The following EPHA3 variants were observed in gnomAD, a reference collection of about 807,000 sequenced individuals.
EPHA3 encodes the protein EPH receptor A3, also known as ephrin type-A receptor 3.
Under a neutral mutation model 107.1 loss-of-function variants are expected in EPHA3, and 42 were observed. That is an observed-to-expected ratio of 0.39 (90% CI 0.31 to 0.51). EPHA3 has a LOEUF of 0.51. Among genes scored for constraint, EPHA3 ranks in the 20% least tolerant of loss-of-function variants. EPHA3 has a pLI of 0.78. For synonymous variants in EPHA3, 461 were observed against 424.8 expected, an observed-to-expected ratio of 1.09 and a Z score of -1.05; for missense variants, 1,183 against 1,211.2, an observed-to-expected ratio of 0.98 and a Z score of 0.35.
chr3:89,144,715 C>A (rs1032647977), intron 2 of EPHA3, among the ~76,000 whole-genome samples: 3 of 151,672 alleles, frequency 2.0e-5, no homozygotes, highest in Non-Finnish European at 4.4e-5. Context: ...GCTTGCTCCT[C>A]GTTTCCAAAC....
chr3:89,244,781 C>T (rs1704992368), intron 3 of EPHA3, among the ~76,000 whole-genome samples: 1 of 152,200 alleles, frequency 6.6e-6, no homozygotes, highest in Non-Finnish European at 1.5e-5. Context: ...ATATGCCACA[C>T]AGTTGAATGA....
intron 3 of EPHA3, among the ~76,000 whole-genome samples, chr3:89,300,544 C>T (rs891075897): frequency 3.9e-5 from 6 of 152,016 alleles, no homozygotes; most frequent in Middle Eastern, 3.4e-3. Context: ...TGCTATGTTA[C>T]AGACACCATG....
At chr3:89,377,566 T>A (rs1708425360) in intron 5 of EPHA3, among the ~76,000 whole-genome samples, 1 of 152,096 alleles carries the variant, frequency 6.6e-6, no homozygotes, top group African/African-American at 2.4e-5. Flanking sequence ...ATGTAAAGGG[T>A]AACGAAACCC....
chr3:89,426,756 G>A (rs1256747201), intron 11 of EPHA3, among the ~76,000 whole-genome samples: 1 of 151,874 alleles, frequency 6.6e-6, no homozygotes, highest in Admixed American at 6.6e-5. Context: ...AAATATCTGT[G>A]ACTGCATTTG....
At chr3:89,241,488 C>A (rs1380861767) in intron 3 of EPHA3, among the ~76,000 whole-genome samples, 3 of 152,142 alleles carry the variant, frequency 2.0e-5, no homozygotes, top group African/African-American at 7.2e-5. Context: ...GATAACATTT[C>A]TACTATTGTG....
chr3:89,371,554 TTCTC>T (rs1402954646), intron 5 of EPHA3, among the ~76,000 whole-genome samples: 1 of 151,700 alleles, frequency 6.6e-6, no homozygotes, highest in Non-Finnish European at 1.5e-5. Context: ...TTTGTAGAGT[TTCTC>T]TCTCAAAGTA....
At chr3:89,138,424 A>G (rs1704360037) in intron 2 of EPHA3, among the ~76,000 whole-genome samples, 1 of 151,958 alleles carries the variant, frequency 6.6e-6, no homozygotes, top group Non-Finnish European at 1.5e-5. Context: ...CCCAAAAACT[A>G]AATAAACAAT....
At chr3:89,245,546 A>G (rs1705010825) in intron 3 of EPHA3, among the ~76,000 whole-genome samples, 1 of 152,220 alleles carries the variant, frequency 6.6e-6, no homozygotes, top group African/African-American at 2.4e-5. Flanking sequence ...AGAGAAAGAG[A>G]AATTTAAAGA....
intron 3 of EPHA3, among the ~76,000 whole-genome samples, chr3:89,329,660 G>T (rs936138787): frequency 6.6e-6 from 1 of 151,964 alleles, no homozygotes; most frequent in Non-Finnish European, 1.5e-5. Context: ...AAAAAAAATG[G>T]TTATCTCTAT....
intron 3 of EPHA3, among the ~76,000 whole-genome samples, chr3:89,235,641 T>C (rs568553709): frequency 1.0e-3 from 156 of 152,142 alleles, no homozygotes; most frequent in African/African-American, 3.6e-3. Context: ...ATATTTTCAA[T>C]ATACCATAAT....
intron 3 of EPHA3, among the ~76,000 whole-genome samples, chr3:89,228,826 A>G (rs1410969692): frequency 2.0e-5 from 3 of 151,934 alleles, no homozygotes; most frequent in African/African-American, 4.8e-5. Context: ...TCTGAAGCCC[A>G]GAGAGCAGCA....
chr3:89,436,556 AAAG>A (rs1365800372), intron 13 of EPHA3, among the ~76,000 whole-genome samples: 1 of 152,230 alleles, frequency 6.6e-6, no homozygotes, highest in Non-Finnish European at 1.5e-5. Flanking sequence ...TGTCAGTGGA[AAAG>A]AATACTGAAC....
At chr3:89,365,046 T>A (rs544590140) in intron 5 of EPHA3, among the ~76,000 whole-genome samples, 2 of 150,934 alleles carry the variant, frequency 1.3e-5, no homozygotes, top group African/African-American at 4.8e-5. Context: ...CTACCCTCGA[T>A]GAATTTATAA....
At chr3:89,122,533 C>T (rs191879715) in intron 1 of EPHA3, among the ~76,000 whole-genome samples, 127 of 152,274 alleles carry the variant, frequency 8.3e-4, no homozygotes, top group Non-Finnish European at 1.6e-3. Context: ...TTGGAAAGAT[C>T]TGCTTCAGTA....
At chr3:89,196,973 C>T (rs1705850653) in intron 2 of EPHA3, among the ~76,000 whole-genome samples, 1 of 152,152 alleles carries the variant, frequency 6.6e-6, no homozygotes. Context: ...TTACAATAAC[C>T]TCCCATCCCA....
chr3:89,425,267 C>G (rs1182214844), intron 11 of EPHA3, among the ~76,000 whole-genome samples: 3 of 151,316 alleles, frequency 2.0e-5, no homozygotes, highest in African/African-American at 7.3e-5. Flanking sequence ...GTTCAATATT[C>G]ATTACAATAT....
At chr3:89,211,314 A>G (rs909036490) in intron 3 of EPHA3, among the ~76,000 whole-genome samples, 1 of 152,112 alleles carries the variant, frequency 6.6e-6, no homozygotes, top group Non-Finnish European at 1.5e-5. Flanking sequence ...CAGCTGTGCT[A>G]TATCATATCA....
chr3:89,206,900 T>C (rs1406448076), intron 2 of EPHA3, among the ~76,000 whole-genome samples: 1 of 152,150 alleles, frequency 6.6e-6, no homozygotes, highest in Non-Finnish European at 1.5e-5. Flanking sequence ...ACTTCTGAGA[T>C]CTTCTAAAAT....
chr3:89,172,352 G>C (rs1352756040), intron 2 of EPHA3, among the ~76,000 whole-genome samples: 1 of 152,140 alleles, frequency 6.6e-6, no homozygotes, highest in African/African-American at 2.4e-5. Context: ...TGGGAAGAGG[G>C]CTGTTTGGGA....
Sources: gnomAD v4.1 joint callset for allele counts (sites outside exome capture counted in the v4.1 genomes callset) on GRCh38, gnomAD v4.1.1 for gene constraint, MANE v1.5 for transcripts, NCBI Gene and HGNC (gene_info 2026-07-23, HGNC 2026-07-21) for gene names.